FIGN: variants seen among roughly 807,000 people sequenced by gnomAD.
FIGN encodes fidgetin, microtubule severing factor.
Under a neutral mutation model 51.3 loss-of-function variants are expected in FIGN, and 11 were observed. The ratio of observed to expected loss-of-function variants is 0.21; its 90% CI spans 0.13 to 0.35. FIGN has a LOEUF of 0.35. Ranked by LOEUF, FIGN falls within the 10% of genes least tolerant of loss-of-function variation. FIGN has a pLI of 1.00. For missense variants in FIGN, 857 were observed against 943.6 expected, an observed-to-expected ratio of 0.91 and a Z score of 1.20; for synonymous variants, 407 against 363.2, an observed-to-expected ratio of 1.12 and a Z score of -1.37.
At position 163,677,704 on chromosome 2, in the gene FIGN, T is replaced by C. The variant is rs1443670886; in HGVS notation, c.25+57199A>G. Among the ~76,000 whole-genome samples the C allele has an allele frequency of 3.3e-5, 5 of 152,358 alleles. No individual in the cohort carries two copies. The East Asian group carries it at 9.6e-4, about 29-fold the overall frequency. On this transcript the variant is annotated intron_variant, in intron 2 of 2. Coordinates refer to ENST00000333129, the MANE Select transcript of FIGN (RefSeq NM_018086.4). Reference sequence around the variant, plus strand: ...TCTTTTTTTATTCAAAATCATTTTCTTTTGTTTTGTGTTCTACTCAGTGAC... The same window carrying C: ...TCTTTTTTTATTCAAAATCATTTTCCTTTGTTTTGTGTTCTACTCAGTGAC...
chr2:163,701,112 A>G (rs1262990116), intron 2 of FIGN, among the ~76,000 whole-genome samples: 4 of 152,160 alleles, frequency 2.6e-5, no homozygotes, highest in Non-Finnish European at 2.9e-5. Flanking sequence ...TGCAAGGTCC[A>G]TGTAATGGTT....
intron 2 of FIGN, among the ~76,000 whole-genome samples, chr2:163,630,634 C>T (rs1196090963): frequency 7.2e-6 from 1 of 139,494 alleles, no homozygotes; most frequent in Non-Finnish European, 1.5e-5. Flanking sequence ...GCCTAACTGA[C>T]AACTGCATTC....
chr2:163,680,362 C>G (rs1239351642), intron 2 of FIGN, among the ~76,000 whole-genome samples: 3 of 152,128 alleles, frequency 2.0e-5, no homozygotes, highest in Non-Finnish European at 4.4e-5. Context: ...TGGTATACAT[C>G]TTCTTGTGGC....
chr2:163,644,315 T>G (rs529441447), intron 2 of FIGN, among the ~76,000 whole-genome samples: 4 of 152,192 alleles, frequency 2.6e-5, no homozygotes, highest in African/African-American at 9.6e-5. Context: ...AAATAGCCAA[T>G]AAGCACATGA....
intron 2 of FIGN, among the ~76,000 whole-genome samples, chr2:163,614,758 A>T (rs1040922866): frequency 6.6e-6 from 1 of 152,140 alleles, no homozygotes; most frequent in African/African-American, 2.4e-5. Flanking sequence ...ATAAGTTAAT[A>T]AACATACATA....
intron 2 of FIGN, among the ~76,000 whole-genome samples, chr2:163,724,056 A>G (rs899686774): frequency 2.6e-5 from 4 of 152,200 alleles, no homozygotes; most frequent in Non-Finnish European, 5.9e-5. Flanking sequence ...TGGAGTATAC[A>G]AAACTGCAAG....
At chr2:163,644,080 A>T (rs970495587) in intron 2 of FIGN, among the ~76,000 whole-genome samples, 2 of 152,166 alleles carry the variant, frequency 1.3e-5, no homozygotes, top group Admixed American at 6.5e-5. Flanking sequence ...TGAGCACCAA[A>T]AGAAAAATAG....
intron 2 of FIGN, among the ~76,000 whole-genome samples, chr2:163,721,791 A>G (rs1684761172): frequency 6.6e-6 from 1 of 152,210 alleles, no homozygotes; most frequent in Non-Finnish European, 1.5e-5. Context: ...CTTTCAGTAA[A>G]GGTTATAGGT....
chr2:163,666,476 T>C lies in FIGN; in HGVS notation c.26-54670A>G, dbSNP rs189560826. On this transcript the variant is annotated intron_variant, in intron 2 of 2. Transcript: ENST00000333129. ...CATTGAGGGGTAGGTCAAGATGATA[T>C]ATTAGAAGCTAGGAGTTCTAGGCTC... is the stretch of plus-strand genomic sequence containing the variant. 1.7e-3 allele frequency among the ~76,000 whole-genome samples: 252 copies of C among 152,308 alleles called. 1 individual carries two copies. The highest frequency in any genetic ancestry group is 2.4e-3 in the Non-Finnish European group (161 of 68,022).
chr2:163,636,964 A>T (rs1192073219), intron 2 of FIGN, among the ~76,000 whole-genome samples: 1 of 152,130 alleles, frequency 6.6e-6, no homozygotes. Context: ...CTGTAGTCCC[A>T]GCTAATTGAG....
At chr2:163,725,780 T>A (rs1684829586) in intron 2 of FIGN, among the ~76,000 whole-genome samples, 1 of 152,114 alleles carries the variant, frequency 6.6e-6, no homozygotes, top group African/African-American at 2.4e-5. Flanking sequence ...TAGAGGCTTA[T>A]TAAAGAACAA....
rs182414083 is a variant in FIGN, at chr2:163,644,521, T to C, written c.26-32715A>G. Reference sequence around the variant, plus strand: ...CGGCTACTTTGGTAAACAGTATGTTTTCCAGTACTCAAAGGATTAAAAAGA... The same window carrying C: ...CGGCTACTTTGGTAAACAGTATGTTCTCCAGTACTCAAAGGATTAAAAAGA... On this transcript the variant is annotated intron_variant, in intron 2 of 2. Coordinates refer to ENST00000333129, the MANE Select transcript of FIGN (RefSeq NM_018086.4). 1.5e-4 allele frequency among the ~76,000 whole-genome samples: 23 copies of C among 152,334 alleles called. 1 individual carries two copies. In the East Asian group the frequency reaches 4.1e-3, roughly 27 times the overall value.
At chr2:163,631,230 G>A (rs972029964) in intron 2 of FIGN, among the ~76,000 whole-genome samples, 2 of 152,084 alleles carry the variant, frequency 1.3e-5, no homozygotes, top group Non-Finnish European at 2.9e-5. Flanking sequence ...GACTGTTATG[G>A]ATTTAGTATT....
rs1162234909 is a variant in FIGN at position 163,643,932 on chromosome 2, C to CAA, written c.26-32128_26-32127dup. On this transcript the variant is annotated intron_variant, in intron 2 of 2. Coordinates refer to ENST00000333129, the MANE Select transcript of FIGN (RefSeq NM_018086.4). ...GGGCAACAAGAGCGAAACTCTGTCTCAAAAAAAAAAAAAAAAAAAAAAAAA... is the reference window on the plus strand; with the variant it reads ...GGGCAACAAGAGCGAAACTCTGTCTCAAAAAAAAAAAAAAAAAAAAAAAAAAA... Among the ~76,000 whole-genome samples, 12 of 19,070 alleles carry CAA rather than the reference C, an allele frequency of 6.3e-4. 2 individuals are homozygous for CAA. Among genetic ancestry groups the CAA allele is most frequent in the East Asian group, 1.6e-3 (2 of 1,270 alleles). The allele number at this position is 19,070 out of a possible 152,430, so 12.5% of individuals were successfully genotyped here. A position where few individuals can be genotyped will look rare whatever the true frequency, so the allele number is the denominator to read the frequency against.
At chr2:163,617,407 A>C (rs1442557468) in intron 2 of FIGN, 1 of 185,976 alleles carries the variant, frequency 5.4e-6, no homozygotes, top group Non-Finnish European at 1.0e-5. Context: ...TAAGGTGATG[A>C]AACCTTTTCA....
intron 2 of FIGN, among the ~76,000 whole-genome samples, chr2:163,649,758 T>G (rs1423923368): frequency 6.6e-6 from 1 of 152,204 alleles, no homozygotes; most frequent in African/African-American, 2.4e-5. Flanking sequence ...TAACCAGAAT[T>G]GAAGCCAAGG....
In FIGN at chr2:163,604,183, C is replaced by A. The variant is rs1691035267; in HGVS notation, c.*5369G>T. On this transcript the variant is annotated 3_prime_UTR_variant, in exon 3 of 3. Coordinates refer to ENST00000333129, the MANE Select transcript of FIGN (RefSeq NM_018086.4). ...ACTATAGTTGAAAATAGTTAAGTACCATTATTTCTCTTAAATTTAGGAGCT... is the reference window on the plus strand; with the variant it reads ...ACTATAGTTGAAAATAGTTAAGTACAATTATTTCTCTTAAATTTAGGAGCT... The A allele has an allele frequency of 6.6e-6, 1 of 151,954 alleles. No homozygotes were observed. The highest frequency in any genetic ancestry group is 2.4e-5 in the African/African-American group (1 of 41,392). 9.4% of individuals were successfully genotyped at this position (151,954 alleles called of 1,614,324 possible). A position where few individuals can be genotyped will look rare whatever the true frequency, so the allele number is the denominator to read the frequency against.
intron 2 of FIGN, among the ~76,000 whole-genome samples, chr2:163,693,236 G>A (rs960369331): frequency 6.6e-6 from 1 of 152,072 alleles, no homozygotes; most frequent in South Asian, 2.1e-4. Flanking sequence ...ATGTAGGTGT[G>A]TGTGTACCTG....
chr2:163,626,518 AAATAAT>A (rs1224749794), intron 2 of FIGN, among the ~76,000 whole-genome samples: 2 of 152,146 alleles, frequency 1.3e-5, no homozygotes, highest in East Asian at 3.8e-4. Context: ...ACAAGATGTC[AAATAAT>A]AATAATAACA....
Sources: gnomAD v4.1 joint callset for allele counts (sites outside exome capture counted in the v4.1 genomes callset) on GRCh38, gnomAD v4.1.1 for gene constraint, MANE v1.5 for transcripts, NCBI Gene and HGNC (gene_info 2026-07-23, HGNC 2026-07-21) for gene names.